The following PPP4R3A variants were observed in gnomAD, a reference collection of about 807,000 sequenced individuals.
PPP4R3A encodes serine/threonine-protein phosphatase 4 regulatory subunit 3A.
Under a neutral mutation model 91.7 loss-of-function variants are expected in PPP4R3A, and 15 were observed. That is an observed-to-expected ratio of 0.16 (90% CI 0.11 to 0.25). PPP4R3A has a LOEUF of 0.25. Among genes scored for constraint, PPP4R3A ranks in the 10% least tolerant of loss-of-function variants. PPP4R3A has a pLI of 1.00. For missense variants in PPP4R3A, 623 were observed against 998.4 expected (o/e 0.62, Z 5.07); for synonymous variants, 377 against 348.7 (o/e 1.08, Z -0.91).
chr14:91,484,768 G>A (rs1209876526), intron 3 of PPP4R3A, among the ~76,000 whole-genome samples: 3 of 152,120 alleles, frequency 2.0e-5, no homozygotes, highest in Admixed American at 1.3e-4. Flanking sequence ...AAGGAATTAA[G>A]GAATCTGGTG....
intron 14 of PPP4R3A, among the ~76,000 whole-genome samples, chr14:91,460,104 C>T (rs994523231): frequency 5.9e-5 from 9 of 152,028 alleles, no homozygotes; most frequent in Non-Finnish European, 1.3e-4. Flanking sequence ...CTCCACCTCC[C>T]GGGATCACAC....
At chr14:91,510,491 T>G (rs1454262238), upstream of PPP4R3A, 1 of 152,232 alleles carries the variant, frequency 6.6e-6, no homozygotes, top group Non-Finnish European at 1.5e-5. Context: ...ATTGCGCCGG[T>G]GACAGCCCGA....
At position 91,481,958 on chromosome 14, in the gene PPP4R3A, T is replaced by C. The variant is rs760418868; in HGVS notation, c.533A>G (p.His178Arg). 7 of 1,613,914 alleles carry C rather than the reference T, an allele frequency of 4.3e-6. No individual in the cohort carries two copies. The African/African-American group carries it at 6.7e-5, about 15-fold the overall frequency. The change falls in exon 4 of 15, where the codon CAT becomes CGT. Residue 178 changes from histidine (H) to arginine (R), a missense_variant. His to Arg is a conservative substitution (Grantham distance 29). Around this residue, in one of 5 missense-constraint regions of PPP4R3A, gnomAD observed 264 missense variants for 377.3 expected, o/e 0.70. Transcript: ENST00000554943. Reference sequence around the variant, plus strand: ...AATATTTTCCAAATCTTCACACACATGAAAAAGCTCCAGGAGCTTTTTAAT... The same window carrying C: ...AATATTTTCCAAATCTTCACACACACGAAAAAGCTCCAGGAGCTTTTTAAT... ...GYIKKLLELF[H>R]VCEDLENIEG...
chr14:91,461,493 G>A lies in PPP4R3A; in HGVS notation c.2279C>T (p.Ser760Leu), dbSNP rs780757822. Reference protein sequence around the residue: ...SGTKTNLTSQSSTTNLPGSPG... With the variant: ...SGTKTNLTSQLSTTNLPGSPG... The stretch of plus-strand genomic sequence containing the variant: ...AGAACCAGGCAGATTTGTTGTAGAT[G>A]ACTGGCTGGTGAGGTTAGTCTTCGT... Residue 760 changes from serine to leucine, a missense_variant, in exon 14 of 15, where the codon TCA (serine) becomes TTA (leucine). This residue lies in a region of PPP4R3A where 201 missense variants were observed against 229.9 expected (regional missense o/e 0.87). Transcript: ENST00000554943. The A allele has an allele frequency of 1.2e-6, 2 of 1,614,194 alleles. No homozygotes were observed. Among genetic ancestry groups the A allele is most frequent in the Non-Finnish European group, 1.7e-6 (2 of 1,180,034 alleles).
chr14:91,473,851 C>T (rs1341330739), intron 7 of PPP4R3A, among the ~76,000 whole-genome samples: 1 of 149,126 alleles, frequency 6.7e-6, no homozygotes, highest in Non-Finnish European at 1.5e-5. Flanking sequence ...GTCTTACTAA[C>T]CTCCACCTCC....
Position 91,482,104 on chromosome 14 carries a change from G to C in PPP4R3A, c.387C>G (p.Gly129=). 5 of 1,614,114 alleles carry C rather than the reference G, an allele frequency of 3.1e-6. No individual in the cohort carries two copies. The highest frequency in any genetic ancestry group is 4.2e-6 in the Non-Finnish European group (5 of 1,180,032). ...TTAATTCACAAGATGGCAATTCTAA[G>C]CCTGGCGATGACATATCATCAAAAC... is the stretch of plus-strand genomic sequence containing the variant. ...EERFDDMSSP[G]LELPSCELSR... Residue 129 remains glycine, a synonymous_variant, in exon 4 of 15, where the codon GGC becomes GGG. Coordinates refer to ENST00000554943, the MANE Select transcript of PPP4R3A (RefSeq NM_001366432.2).
chr14:91,501,871 A>ATTTT (rs755484959), intron 1 of PPP4R3A, among the ~76,000 whole-genome samples: 4 of 100,228 alleles, frequency 4.0e-5, no homozygotes, highest in Non-Finnish European at 5.7e-5. Flanking sequence ...AGCCCGGCTA[A>ATTTT]TTTTTTTTTT....
intron 10 of PPP4R3A, among the ~76,000 whole-genome samples, chr14:91,465,645 TAGAA>T (rs1888428133): frequency 6.6e-6 from 1 of 152,136 alleles, no homozygotes; most frequent in South Asian, 2.1e-4. Flanking sequence ...ACACAAGTCT[TAGAA>T]AGCCAGAAAA....
intron 2 of PPP4R3A, among the ~76,000 whole-genome samples, chr14:91,488,532 T>C (rs796088377): frequency 1.1e-4 from 17 of 152,210 alleles, no homozygotes; most frequent in African/African-American, 4.1e-4. Context: ...ATGCCAAAAA[T>C]TGGTAAGGTT....
At chr14:91,475,318 G>C (rs956432526) in intron 7 of PPP4R3A, 1 of 157,732 alleles carries the variant, frequency 6.3e-6, no homozygotes, top group African/African-American at 2.4e-5. Flanking sequence ...TTAAAATCTG[G>C]TATATCTCAG....
intron 9 of PPP4R3A, among the ~76,000 whole-genome samples, chr14:91,472,702 C>T (rs1157965841): frequency 6.6e-6 from 1 of 152,078 alleles, no homozygotes; most frequent in Non-Finnish European, 1.5e-5. Flanking sequence ...ATCTCCTGAC[C>T]TCATGATCCG....
chr14:91,485,844 G>A (rs1889845467), intron 2 of PPP4R3A, 114 bp from the exon 3 acceptor site: 2 of 552,554 alleles, frequency 3.6e-6, no homozygotes, highest in South Asian at 3.4e-5. Context: ...CACTAATACT[G>A]GCAATTATCA....
chr14:91,472,948 G>GCCT (rs904178268), intron 9 of PPP4R3A, 85 bp downstream of exon 9: 1 of 1,209,360 alleles, frequency 8.3e-7, no homozygotes, highest in African/African-American at 1.5e-5. Context: ...CCCACTAACT[G>GCCT]CCTCCTAAAA....
At position 91,462,885 on chromosome 14, in the gene PPP4R3A, AAAG is replaced by A. The variant is rs749150435; in HGVS notation, c.1831-11_1831-9del. The A allele has an allele frequency of 5.0e-5, 79 of 1,575,230 alleles. No homozygotes were observed. The highest frequency in any genetic ancestry group is 6.5e-5 in the Non-Finnish European group (75 of 1,154,512). The stretch of plus-strand genomic sequence containing the variant: ...TAATGATTTTATATCTTCCTACAGA[AAAG>A]AATAGTAATGAAAAAATGATAGGAA... On this transcript the variant is annotated splice_polypyrimidine_tract_variant and intron_variant, in intron 11 of 14. Transcript: ENST00000554943.
intron 10 of PPP4R3A, among the ~76,000 whole-genome samples, chr14:91,469,648 G>A (rs923196754): frequency 1.1e-4 from 16 of 152,122 alleles, no homozygotes; most frequent in South Asian, 2.1e-4. Context: ...AGCTCACCGC[G>A]ATATCTGCCT....
intron 9 of PPP4R3A, among the ~76,000 whole-genome samples, chr14:91,471,547 C>A (rs1888834456): frequency 6.6e-6 from 1 of 152,118 alleles, no homozygotes; most frequent in South Asian, 2.1e-4. Flanking sequence ...CATTCCCCCA[C>A]GTTTAGATTA....
At chr14:91,490,667 C>T in intron 2 of PPP4R3A, 80 bp downstream of exon 2, 1 of 1,135,766 alleles carries the variant, frequency 8.8e-7, no homozygotes, top group Non-Finnish European at 1.3e-6. Context: ...CTAAATTTTT[C>T]ACTATAAGCA....
intron 1 of PPP4R3A, among the ~76,000 whole-genome samples, chr14:91,494,844 C>A (rs11624006): frequency 1.5e-4 from 23 of 152,002 alleles, no homozygotes; most frequent in Admixed American, 2.6e-4. Context: ...CCAGCCTGGA[C>A]GACAGAGACT....
chr14:91,488,243 A>G (rs1356930982), intron 2 of PPP4R3A, among the ~76,000 whole-genome samples: 3 of 152,116 alleles, frequency 2.0e-5, no homozygotes, highest in African/African-American at 4.8e-5. Flanking sequence ...GCCAAACTGC[A>G]TATTAACTCT....
Sources: allele counts gnomAD v4.1 joint callset (sites outside exome capture counted in the v4.1 genomes callset), GRCh38; gene constraint gnomAD v4.1.1; regional missense constraint gnomAD v4.1.1; transcripts MANE v1.5; gene names NCBI Gene and HGNC (gene_info 2026-07-23, HGNC 2026-07-21).